The following CFAP251 variants were observed in gnomAD, a reference collection of about 807,000 sequenced individuals.
The protein encoded by CFAP251 is cilia and flagella associated protein 251, also known as cilia- and flagella-associated protein 251.
A neutral mutation model predicts 126.7 loss-of-function variants in CFAP251; 93 were observed. That is an observed-to-expected ratio of 0.73 (90% confidence interval 0.62 to 0.87). CFAP251 has a LOEUF of 0.87. Among genes scored for constraint, CFAP251 ranks in the 40% least tolerant of loss-of-function variants. CFAP251 has a pLI of 0.00. For missense variants in CFAP251, 1,287 were observed against 1,389.2 expected, an observed-to-expected ratio of 0.93 and a Z score of 1.17; for synonymous variants, 503 against 506.9, an observed-to-expected ratio of 0.99 and a Z score of 0.10.
intron 17 of CFAP251, chr12:121,971,622 G>C (rs1403895086): frequency 1.4e-6 from 1 of 702,692 alleles, no homozygotes; most frequent in Non-Finnish European, 2.6e-6. Context: ...ACTCCAAGGG[G>C]TCTGATGACT....
Position 121,968,116 on chromosome 12 carries a change from CT to C in CFAP251, c.2720del (p.Phe907SerfsTer17). 6.2e-7 allele frequency: 1 copy of C among 1,613,566 alleles called. No individual in the cohort carries two copies. The highest frequency in any genetic ancestry group is 8.5e-7 in the Non-Finnish European group (1 of 1,179,572). On this transcript the variant is annotated frameshift_variant, in exon 17 of 22. Transcript: ENST00000288912. LOFTEE classifies it high-confidence loss of function. ...MAVSYDGCYA[F>X]TAGGHDRSVV... Reference sequence around the variant, plus strand: ...CCGTTTCCTATGATGGCTGCTACGCCTTCACTGCGGGAGGGCACGATCGCTC... The same window carrying C: ...CCGTTTCCTATGATGGCTGCTACGCCTCACTGCGGGAGGGCACGATCGCTC...
At chr12:121,968,635 A>C (rs570479362) in intron 17 of CFAP251, among the ~76,000 whole-genome samples, 11 of 151,886 alleles carry the variant, frequency 7.2e-5, no homozygotes, top group Admixed American at 2.6e-4. Flanking sequence ...TTGAGGTGAA[A>C]GGGATAATAT....
intron 13 of CFAP251, 116 bp downstream of exon 13, chr12:121,959,210 G>A: frequency 9.1e-7 from 1 of 1,099,224 alleles, no homozygotes; most frequent in South Asian, 1.8e-5. Flanking sequence ...GCCGAGGTGG[G>A]AGGATCATTG....
rs1881834816 is a variant in CFAP251 at position 121,959,060 on chromosome 12, G to A, written c.2099G>A (p.Ser700Asn). The A allele has an allele frequency of 1.2e-6, 2 of 1,608,544 alleles. No individual in the cohort carries two copies. The highest frequency in any genetic ancestry group is 1.7e-6 in the Non-Finnish European group (2 of 1,178,608). The change falls in exon 13 of 22, where the codon AGC becomes AAC. Residue 700 changes from serine to asparagine, a missense_variant. Coordinates refer to ENST00000288912, the MANE Select transcript of CFAP251 (RefSeq NM_144668.6). Reference protein sequence around the residue: ...KYSRTSVTHISFSHDSQYMAT... With the variant: ...KYSRTSVTHINFSHDSQYMAT... The stretch of plus-strand genomic sequence containing the variant: ...TCCAGAACCAGTGTGACTCATATAA[G>A]CTTTTCCCATGACTCCCAGTATATG...
chr12:121,960,062 G>A (rs1259782802), intron 13 of CFAP251, among the ~76,000 whole-genome samples: 1 of 152,062 alleles, frequency 6.6e-6, no homozygotes, highest in African/African-American at 2.4e-5. Context: ...GAGCCCAGGA[G>A]ACTGAGACTG....
rs1882403884 is a variant in CFAP251, at chr12:121,974,297, C to G, written c.2772-947C>G. ...AACCGTAAGTCCAATAAACCTCTTT[C>G]TTTTGTAAATTGCCCAGTCTCGGGT... is the stretch of plus-strand genomic sequence containing the variant. On this transcript the variant is annotated intron_variant, in intron 17 of 21. Transcript: ENST00000288912. This position sits in a 1 kb window ranked among gnomAD's most constrained non-coding sequence, Gnocchi z 4.6. 6.6e-6 allele frequency among the ~76,000 whole-genome samples: 1 copy of G among 152,196 alleles called. No homozygotes were observed.
At chr12:121,964,731 C>G (rs897603630) in intron 15 of CFAP251, among the ~76,000 whole-genome samples, 3 of 151,244 alleles carry the variant, frequency 2.0e-5, no homozygotes, top group Admixed American at 1.3e-4. Context: ...GAAACCCTGT[C>G]TCTACTAAAA....
intron 8 of CFAP251, 197 bp downstream of exon 8, chr12:121,949,258 A>G (rs924075778): frequency 3.3e-6 from 1 of 304,876 alleles, no homozygotes; most frequent in South Asian, 1.3e-4. Context: ...AAATAATCCA[A>G]TTTTATTTAT....
intron 3 of CFAP251, among the ~76,000 whole-genome samples, chr12:121,928,670 GTA>G (rs373937834): frequency 0.016 from 800 of 50,756 alleles, 26 homozygotes; most frequent in Non-Finnish European, 0.036. Flanking sequence ...ATATATATAC[GTA>G]TATATATATA....
chr12:121,942,951 A>G lies in CFAP251; in HGVS notation c.1167A>G (p.Glu389=). 3 of 1,614,024 alleles carry G rather than the reference A, an allele frequency of 1.9e-6. No individual in the cohort carries two copies. In the South Asian group the frequency reaches 3.3e-5, roughly 18 times the overall value. Residue 389 remains glutamate, a synonymous_variant, in exon 7 of 22, where the codon GAA becomes GAG. Transcript: ENST00000288912. ...TGGAAACGCCAGCATGCACTCTCGA[A>G]CTCCCCACAGAGTACGGTGTTCAGG... ...LAVETPACTL[E]LPTEYGVQNY...
At chr12:121,967,579 G>A (rs1030846196) in intron 16 of CFAP251, among the ~76,000 whole-genome samples, 3 of 152,160 alleles carry the variant, frequency 2.0e-5, no homozygotes, top group Admixed American at 2.0e-4. Context: ...GTGGGCGCCT[G>A]TAGTCCCAGC....
At chr12:121,971,933 T>TCCC (rs1882341684) in intron 17 of CFAP251, 9 of 292,938 alleles carry the variant, frequency 3.1e-5, no homozygotes, top group Non-Finnish European at 5.3e-5. Context: ...GATGGTTTGA[T>TCCC]AAGGGGAAAC....
At chr12:121,941,155 C>T (rs1179597199) in intron 5 of CFAP251, among the ~76,000 whole-genome samples, 2 of 151,856 alleles carry the variant, frequency 1.3e-5, no homozygotes, top group Admixed American at 6.6e-5. Flanking sequence ...CTCAGCTTCC[C>T]GAGTAGCTGG....
At chr12:122,002,997 T>C (rs1409146569) in intron 21 of CFAP251, among the ~76,000 whole-genome samples, 1 of 152,150 alleles carries the variant, frequency 6.6e-6, no homozygotes, top group East Asian at 1.9e-4. Flanking sequence ...ACCCCATTCC[T>C]TTATGTGCTT....
chr12:121,975,596 A>G lies in CFAP251; in HGVS notation c.2917A>G (p.Met973Val), dbSNP rs1282476351. The change falls in exon 19 of 22, where the codon ATG (methionine) becomes GTG (valine). Residue 973 changes from methionine to valine, a missense_variant. Met to Val is a conservative substitution (Grantham distance 21). Coordinates refer to ENST00000288912, the MANE Select transcript of CFAP251 (RefSeq NM_144668.6). ...GCTCCGCAGTCAAGGCATCGACACA[A>G]TGGAGACCAGAAAGGTGTCAGAACA... is the stretch of plus-strand genomic sequence containing the variant. ...SQLRSQGIDT[M>V]ETRKVSEHIC... 9 of 1,606,310 alleles carry G rather than the reference A, an allele frequency of 5.6e-6. No homozygotes were observed. Among genetic ancestry groups the G allele is most frequent in the Admixed American group, 1.7e-5 (1 of 57,262 alleles).
chr12:121,931,690 C>G, intron 3 of CFAP251, 56 bp from the exon 4 acceptor site: 10 of 1,404,254 alleles, frequency 7.1e-6, no homozygotes, highest in Non-Finnish European at 8.4e-6. Flanking sequence ...TCCTGGAGCC[C>G]CAGCTCTGGG....
At chr12:122,000,547 C>CAAA (rs36002683) in intron 20 of CFAP251, among the ~76,000 whole-genome samples, 2 of 105,336 alleles carry the variant, frequency 1.9e-5, no homozygotes, top group Admixed American at 1.0e-4. Context: ...GCGAGACTGT[C>CAAA]AAAAAAAAAA....
At chr12:121,951,006 G>A (rs1007335433) in intron 8 of CFAP251, 1 of 152,306 alleles carries the variant, frequency 6.6e-6, no homozygotes, top group East Asian at 1.9e-4. Context: ...ATCACCTGAG[G>A]TCAGGAGTTC....
chr12:121,958,188 T>G (rs2135781912), intron 11 of CFAP251, 84 bp from the exon 12 acceptor site: 1,657 of 1,496,688 alleles, frequency 1.1e-3, no homozygotes, highest in East Asian at 4.0e-3. Flanking sequence ...ACAGAGGCGT[T>G]TTATGTGCAA....
Sources: gnomAD v4.1 joint callset for allele counts (sites outside exome capture counted in the v4.1 genomes callset) on GRCh38, gnomAD v4.1.1 for gene constraint, Gnocchi (gnomAD v3.1) non-coding constraint, MANE v1.5 for transcripts, NCBI Gene and HGNC (gene_info 2026-07-23, HGNC 2026-07-21) for gene names.